The following NFKB1 variants were observed in gnomAD, a reference collection of about 807,000 sequenced individuals.
NFKB1 encodes the protein nuclear factor kappa B subunit 1.
A neutral mutation model predicts 105.1 loss-of-function variants in NFKB1; 9 were observed. The ratio of observed to expected loss-of-function variants is 0.09; its 90% CI spans 0.05 to 0.15. The LOEUF is 0.15. Ranked by LOEUF, NFKB1 falls within the 10% of genes least tolerant of loss-of-function variation. The pLI is 1.00. For missense variants in NFKB1, 830 were observed against 1,203.7 expected (o/e 0.69, Z 4.59); for synonymous variants, 440 against 442.2 (o/e 1.00, Z 0.06).
rs947274219 is a variant in NFKB1, at chr4:102,527,443, G to T, written c.39+1886G>T. On this transcript the variant is annotated intron_variant, in intron 2 of 23. Coordinates refer to ENST00000226574, the MANE Select transcript of NFKB1 (RefSeq NM_003998.4). ...TTAGTGGAAATCATTTAAAATAGTGGATTTCTGAAATTACACGTGCAAAGA... is the reference window on the plus strand; with the variant it reads ...TTAGTGGAAATCATTTAAAATAGTGTATTTCTGAAATTACACGTGCAAAGA... 3.3e-5 allele frequency among the ~76,000 whole-genome samples: 5 copies of T among 152,202 alleles called. No homozygotes were observed. The East Asian group carries it at 5.8e-4, about 18-fold the overall frequency.
At chr4:102,566,863 C>T (rs902764246) in intron 5 of NFKB1, 124 bp from the exon 6 acceptor site, 13 of 889,028 alleles carry the variant, frequency 1.5e-5, no homozygotes, top group Non-Finnish European at 2.2e-5. Flanking sequence ...GGGCTGTAAT[C>T]ATGTATATAC....
At chr4:102,556,923 G>A (rs1409948295) in intron 5 of NFKB1, among the ~76,000 whole-genome samples, 3 of 152,148 alleles carry the variant, frequency 2.0e-5, no homozygotes, top group South Asian at 2.1e-4. Flanking sequence ...AGGAAGAAAA[G>A]CAGTGCTCAT....
chr4:102,567,691 G>A (rs1053964089), intron 6 of NFKB1, among the ~76,000 whole-genome samples: 1 of 152,110 alleles, frequency 6.6e-6, no homozygotes, highest in African/African-American at 2.4e-5. Flanking sequence ...GGCTTGAAAT[G>A]TAAATAAAAA....
Position 102,613,583 on chromosome 4 carries a change from T to TA in NFKB1, c.2749+11dup, listed in dbSNP as rs148268461. ...CTGCCTCCACAAGGCAGCAAATAGGTAAAAAAAAAGACAAAAGACAGTGGA... is the reference window on the plus strand; with the variant it reads ...CTGCCTCCACAAGGCAGCAAATAGGTAAAAAAAAAAGACAAAAGACAGTGGA... On this transcript the variant is annotated splice_region_variant and intron_variant, in intron 23 of 23. Transcript: ENST00000226574. 0.061 allele frequency: 97,907 copies of TA among 1,596,260 alleles called. 2,763 individuals are homozygous for TA. Among genetic ancestry groups the TA allele is most frequent in the African/African-American group, 0.13 (9,409 of 73,826 alleles).
At chr4:102,566,445 A>G (rs1187518372) in intron 5 of NFKB1, among the ~76,000 whole-genome samples, 1 of 152,212 alleles carries the variant, frequency 6.6e-6, no homozygotes, top group Non-Finnish European at 1.5e-5. Flanking sequence ...CTGGAGGCCA[A>G]GTCCTCAGGC....
At chr4:102,612,286 C>A in intron 21 of NFKB1, 148 bp from the exon 22 acceptor site, 1 of 921,516 alleles carries the variant, frequency 1.1e-6, no homozygotes, top group Non-Finnish European at 1.6e-6. Context: ...TGTATACTGC[C>A]TTCTACTCAG....
chr4:102,527,207 A>G (rs1484451937), intron 2 of NFKB1, among the ~76,000 whole-genome samples: 1 of 152,222 alleles, frequency 6.6e-6, no homozygotes, highest in African/African-American at 2.4e-5. Context: ...TTGTTTTCAT[A>G]TGGTGATATA....
chr4:102,561,206 T>G (rs1221826415), intron 5 of NFKB1, among the ~76,000 whole-genome samples: 2 of 152,144 alleles, frequency 1.3e-5, no homozygotes, highest in Non-Finnish European at 2.9e-5. Flanking sequence ...AGCCTGACTG[T>G]TTTTCATCCC....
chr4:102,537,698 G>A (rs185533959), intron 4 of NFKB1, 160 bp from the exon 5 acceptor site: 21 of 504,480 alleles, frequency 4.2e-5, no homozygotes, highest in East Asian at 2.0e-4. Flanking sequence ...GTAAGATTAC[G>A]GGAAAAGTGA....
chr4:102,555,540 G>A (rs1578756821), intron 5 of NFKB1, among the ~76,000 whole-genome samples: 1 of 152,190 alleles, frequency 6.6e-6, no homozygotes, highest in African/African-American at 2.4e-5. Flanking sequence ...AAGAGTAAAT[G>A]ACCTAATTGC....
chr4:102,547,320 A>G (rs1306541681), intron 5 of NFKB1, among the ~76,000 whole-genome samples: 1 of 152,216 alleles, frequency 6.6e-6, no homozygotes, highest in Non-Finnish European at 1.5e-5. Context: ...GGCAGGTACA[A>G]AAGAAGGAGT....
chr4:102,509,879 C>T (rs1261006441), intron 1 of NFKB1, among the ~76,000 whole-genome samples: 1 of 152,146 alleles, frequency 6.6e-6, no homozygotes, highest in African/African-American at 2.4e-5. Flanking sequence ...GCATAATGGT[C>T]AGCTTTCTAA....
At chr4:102,511,774 T>C (rs1374883379) in intron 1 of NFKB1, among the ~76,000 whole-genome samples, 1 of 152,260 alleles carries the variant, frequency 6.6e-6, no homozygotes, top group Non-Finnish European at 1.5e-5. Flanking sequence ...ATATTAATGC[T>C]GCAACTTTAG....
chr4:102,596,123 T>C lies in NFKB1; in HGVS notation c.1301-15T>C. On this transcript the variant is annotated splice_polypyrimidine_tract_variant and intron_variant, in intron 13 of 23. Transcript: ENST00000226574. ...TTTTACTGAGAAAAATCTGATGTTT[T>C]TGCATTTATCTTAGGAACCATGGAC... 6.7e-7 allele frequency: 1 copy of C among 1,500,010 alleles called. No homozygotes were observed. Among genetic ancestry groups the C allele is most frequent in the Non-Finnish European group, 9.0e-7 (1 of 1,113,638 alleles). 92.9% of individuals were successfully genotyped at this position (1,500,010 alleles called of 1,614,324 possible). A position where few individuals can be genotyped will look rare whatever the true frequency, so the allele number is the denominator to read the frequency against.
At position 102,609,273 on chromosome 4, in the gene NFKB1, A is replaced by G. The variant is rs974920175; in HGVS notation, c.2228-1302A>G. Among the ~76,000 whole-genome samples, 4 of 152,144 alleles carry G rather than the reference A, an allele frequency of 2.6e-5. No individual in the cohort carries two copies. In the South Asian group the frequency reaches 8.3e-4, roughly 31 times the overall value. ...AACAGTTTCTCTGATATATAAATGAAGAAACTCAGATGAAAAACCAAGTCC... is the reference window on the plus strand; with the variant it reads ...AACAGTTTCTCTGATATATAAATGAGGAAACTCAGATGAAAAACCAAGTCC... On this transcript the variant is annotated intron_variant, in intron 19 of 23. Coordinates refer to ENST00000226574, the MANE Select transcript of NFKB1 (RefSeq NM_003998.4).
At chr4:102,580,678 A>C (rs1266702036) in intron 9 of NFKB1, 39 bp downstream of exon 9, 2 of 1,484,482 alleles carry the variant, frequency 1.3e-6, no homozygotes, top group African/African-American at 2.8e-5. Context: ...AAGAGGTGTG[A>C]TCTTGACACA....
chr4:102,596,465 C>G (rs1726626594), intron 14 of NFKB1, 133 bp downstream of exon 14: 1 of 639,464 alleles, frequency 1.6e-6, no homozygotes, highest in Admixed American at 3.6e-5. Context: ...TTCTGTATGC[C>G]TTTGGAAAAG....
At chr4:102,555,339 A>G (rs772002300) in intron 5 of NFKB1, among the ~76,000 whole-genome samples, 7 of 152,134 alleles carry the variant, frequency 4.6e-5, no homozygotes, top group Non-Finnish European at 1.0e-4. Flanking sequence ...TTTAACAAAT[A>G]TTGATTAAGT....
chr4:102,562,975 C>G (rs1366262594), intron 5 of NFKB1, among the ~76,000 whole-genome samples: 1 of 152,212 alleles, frequency 6.6e-6, no homozygotes, highest in Non-Finnish European at 1.5e-5. Flanking sequence ...CATGTTAACT[C>G]TACATTCTGC....
Sources: gnomAD v4.1 joint callset for allele counts (sites outside exome capture counted in the v4.1 genomes callset) on GRCh38, gnomAD v4.1.1 for gene constraint, MANE v1.5 for transcripts, NCBI Gene and HGNC (gene_info 2026-07-23, HGNC 2026-07-21) for gene names.